Variants in ANO10 observed in about 807,000 individuals in gnomAD.
ANO10 encodes anoctamin 10.
ANO10 carries 77 observed loss-of-function variants against 74.7 expected under a neutral mutation model. That is an observed-to-expected ratio of 1.03 (90% CI 0.86 to 1.25). The LOEUF (loss-of-function observed/expected upper bound fraction) is 1.25. Ranked by LOEUF, ANO10 falls within the 50% of genes most tolerant of loss-of-function variation. The probability of loss-of-function intolerance (pLI) is 0.00; values close to 1 mark genes in which losing one functional copy is unlikely to be tolerated. For missense variants in ANO10, 721 were observed against 778.1 expected (o/e 0.93, Z 0.87); for synonymous variants, 279 against 284.9 (o/e 0.98, Z 0.21).
At chr3:43,497,888 T>G (rs558036959) in intron 11 of ANO10, among the ~76,000 whole-genome samples, 14 of 152,310 alleles carry the variant, frequency 9.2e-5, no homozygotes, top group African/African-American at 2.9e-4. Context: ...GAAAAGCCAG[T>G]ACAAATTGAG....
At chr3:43,681,425 AAAGC>A (rs2084197416) in intron 1 of ANO10, among the ~76,000 whole-genome samples, 1 of 152,206 alleles carries the variant, frequency 6.6e-6, no homozygotes, top group South Asian at 2.1e-4. Flanking sequence ...CCAGATTCAT[AAAGC>A]AAGTCCTCAG....
chr3:43,620,424 G>A (rs896643190), intron 1 of ANO10, among the ~76,000 whole-genome samples: 17 of 152,064 alleles, frequency 1.1e-4, no homozygotes, highest in Non-Finnish European at 2.9e-5. Flanking sequence ...ATTACATGTG[G>A]CAAAACTACA....
chr3:43,485,011 C>T, intron 11 of ANO10: 1 of 1,467,002 alleles, frequency 6.8e-7, no homozygotes, highest in African/African-American at 1.4e-5. Context: ...TGAGGCGTGG[C>T]TTGTGCTGAC....
chr3:43,445,375 AG>A (rs1209036360), intron 11 of ANO10, among the ~76,000 whole-genome samples: 2 of 152,092 alleles, frequency 1.3e-5, no homozygotes, highest in Non-Finnish European at 2.9e-5. Flanking sequence ...TGTTAAAAGT[AG>A]GGGAAACTAG....
chr3:43,485,943 G>C, intron 11 of ANO10: 1 of 231,666 alleles, frequency 4.3e-6, no homozygotes, highest in Non-Finnish European at 8.8e-6. Context: ...ACAGTTAATT[G>C]CACTTGAAGA....
At chr3:43,597,075 C>T (rs2082123197) in intron 4 of ANO10, among the ~76,000 whole-genome samples, 1 of 152,156 alleles carries the variant, frequency 6.6e-6, no homozygotes, top group African/African-American at 2.4e-5. Context: ...TACCATCTCA[C>T]ACCAGTTAAA....
At chr3:43,464,328 T>C (rs1000238611) in intron 11 of ANO10, among the ~76,000 whole-genome samples, 1 of 152,162 alleles carries the variant, frequency 6.6e-6, no homozygotes, top group African/African-American at 2.4e-5. Context: ...AGCAAAATAT[T>C]AGAACATCAA....
chr3:43,668,847 T>G (rs2084022167), intron 1 of ANO10, among the ~76,000 whole-genome samples: 1 of 152,186 alleles, frequency 6.6e-6, no homozygotes, highest in African/African-American at 2.4e-5. Context: ...TATTTGTTGT[T>G]CTTTTCTTTG....
At position 43,481,154 on chromosome 3, in the gene ANO10, GA is replaced by G. The variant is rs1269943157; in HGVS notation, c.1798-48428del. On this transcript the variant is annotated intron_variant, in intron 11 of 12. Coordinates refer to ENST00000292246, the MANE Select transcript of ANO10 (RefSeq NM_018075.5). Reference sequence around the variant, plus strand: ...TTTAGAAATATAGAGGTAAACAGCAGAAAAAGGGCTAAAAATTTGAGTCATA... The same window carrying G: ...TTTAGAAATATAGAGGTAAACAGCAGAAAAGGGCTAAAAATTTGAGTCATA... 2.0e-5 allele frequency among the ~76,000 whole-genome samples: 3 copies of G among 151,992 alleles called. No individual in the cohort carries two copies. The South Asian group carries it at 6.2e-4, about 32-fold the overall frequency.
intron 11 of ANO10, among the ~76,000 whole-genome samples, chr3:43,492,053 T>C (rs1198982287): frequency 6.6e-6 from 1 of 151,916 alleles, no homozygotes; most frequent in African/African-American, 2.4e-5. Flanking sequence ...ACCACAAAGA[T>C]GGGGAGAAAC....
At chr3:43,451,628 T>G (rs966173631) in intron 11 of ANO10, among the ~76,000 whole-genome samples, 2 of 152,060 alleles carry the variant, frequency 1.3e-5, no homozygotes, top group Non-Finnish European at 2.9e-5. Context: ...AGGGTGGGGA[T>G]TAGGGGGTGG....
intron 11 of ANO10, among the ~76,000 whole-genome samples, chr3:43,503,092 G>T (rs2077158403): frequency 6.6e-6 from 1 of 152,086 alleles, no homozygotes; most frequent in Non-Finnish European, 1.5e-5. Flanking sequence ...TTTGTATTAT[G>T]TATATTTTAC....
At chr3:43,617,660 T>C (rs1453971903) in intron 1 of ANO10, among the ~76,000 whole-genome samples, 2 of 152,056 alleles carry the variant, frequency 1.3e-5, no homozygotes, top group African/African-American at 4.8e-5. Context: ...GGAGTTATTT[T>C]AACAAGGATC....
In ANO10 at chr3:43,440,462, G is replaced by T. The variant is rs192398338; in HGVS notation, c.1798-7735C>A. On this transcript the variant is annotated intron_variant, in intron 11 of 12. Coordinates refer to ENST00000292246, the MANE Select transcript of ANO10 (RefSeq NM_018075.5). ...CAAACTGTTATAAGAGACAAATGAG[G>T]ATATTATGTAAAAACGAAAGGGCCA... 2.9e-3 allele frequency among the ~76,000 whole-genome samples: 442 copies of T among 152,014 alleles called. 1 individual carries two copies. The highest frequency in any genetic ancestry group is 0.01 in the African/African-American group (425 of 41,478).
chr3:43,680,361 T>C (rs550230788), intron 1 of ANO10, among the ~76,000 whole-genome samples: 127 of 152,062 alleles, frequency 8.4e-4, no homozygotes, highest in African/African-American at 3.0e-3. Flanking sequence ...ATGAATGAAA[T>C]GAAGCAAGAA....
In ANO10 at chr3:43,691,018, A is replaced by G. The variant is rs144420157; in HGVS notation, c.-12+499T>C. On this transcript the variant is annotated intron_variant, in intron 1 of 3. Coordinates refer to the ANO10 transcript ENST00000413397. The stretch of plus-strand genomic sequence containing the variant: ...ATGGCGGCGGAGGAGGAGGAGGTGG[A>G]CTCTGCCGACACCGGAGAGAGGTAA... 6.0e-4 allele frequency: 940 copies of G among 1,563,176 alleles called. 3 individuals carry two copies. The highest frequency in any genetic ancestry group is 4.0e-3 in the South Asian group (341 of 86,276).
intron 1 of ANO10, among the ~76,000 whole-genome samples, chr3:43,667,339 T>A (rs1035895981): frequency 6.6e-6 from 1 of 152,154 alleles, no homozygotes; most frequent in Non-Finnish European, 1.5e-5. Flanking sequence ...TACGCTCATG[T>A]CAGCCTCCCA....
At chr3:43,596,344 G>A (rs1333273115) in intron 4 of ANO10, among the ~76,000 whole-genome samples, 6 of 152,182 alleles carry the variant, frequency 3.9e-5, no homozygotes, top group East Asian at 3.9e-4. Context: ...GAGGCATCAC[G>A]CTACCTGACT....
chr3:43,395,802 T>C (rs2092367128), intron 12 of ANO10, among the ~76,000 whole-genome samples: 1 of 152,046 alleles, frequency 6.6e-6, no homozygotes, highest in Non-Finnish European at 1.5e-5. Context: ...AGATTCTTAT[T>C]GGGATTATAC....
Sources: gnomAD v4.1 joint callset for allele counts (sites outside exome capture counted in the v4.1 genomes callset) on GRCh38, gnomAD v4.1.1 for gene constraint, MANE v1.5 for transcripts, NCBI Gene and HGNC (gene_info 2026-07-23, HGNC 2026-07-21) for gene names.